The following NFASC variants were observed in gnomAD, a reference collection of about 807,000 sequenced individuals.
NFASC encodes the protein neurofascin.
A neutral mutation model predicts 147.5 loss-of-function variants in NFASC; 43 were observed. The ratio of observed to expected loss-of-function variants is 0.29; its 90% confidence interval spans 0.23 to 0.38. NFASC has a LOEUF of 0.38. NFASC is among the 10% of genes least tolerant of loss of function. The pLI is 1.00. For synonymous variants in NFASC, 622 were observed against 665.5 expected (o/e 0.93, Z 1.01); for missense variants, 1,320 against 1,689.0 (o/e 0.78, Z 3.83).
chr1:205,014,218 C>A (rs1447526354), intron 29 of NFASC, among the ~76,000 whole-genome samples: 4 of 152,172 alleles, frequency 2.6e-5, no homozygotes, highest in African/African-American at 9.7e-5. Flanking sequence ...CAGGCAAAAA[C>A]CCCTGCCTCC....
chr1:204,948,573 A>G (rs975461186), intron 3 of NFASC: 2 of 517,632 alleles, frequency 3.9e-6, no homozygotes, highest in African/African-American at 3.9e-5. Flanking sequence ...CCAAGGATGG[A>G]TTTGTTAAAA....
chr1:204,851,658 A>G (rs762413069), intron 1 of NFASC, among the ~76,000 whole-genome samples: 7 of 152,162 alleles, frequency 4.6e-5, no homozygotes, highest in Non-Finnish European at 7.3e-5. Context: ...TATCTAGTTA[A>G]TCTGGAATAA....
rs1246749014 is a variant in NFASC, at chr1:205,002,474, A to C, written c.3137-122A>C. On this transcript the variant is annotated intron_variant, in intron 26 of 29. Transcript: ENST00000339876. ...CCTCCTGGTCTGTATGGTGGACTGG[A>C]CCCGCGGTTCCCTGGTCCCTTCCCC... 10 of 715,964 alleles carry C rather than the reference A, an allele frequency of 1.4e-5. No individual in the cohort carries two copies. In the East Asian group the frequency reaches 2.9e-4, roughly 21 times the overall value. 44.4% of individuals were successfully genotyped at this position (715,964 alleles called of 1,614,324 possible).
chr1:204,898,907 A>AG (rs2083941130), intron 1 of NFASC, among the ~76,000 whole-genome samples: 1 of 152,248 alleles, frequency 6.6e-6, no homozygotes, highest in Non-Finnish European at 1.5e-5. Flanking sequence ...AGGAGCCCTC[A>AG]GGTTCTAAAG....
At chr1:204,922,419 A>G (rs4951146) in intron 2 of NFASC, among the ~76,000 whole-genome samples, 141,475 of 152,210 alleles carry the variant, frequency 0.93, 65,988 homozygotes, top group Non-Finnish European at 0.97. Flanking sequence ...TCTGGACACC[A>G]CCAGTCTAAC....
intron 1 of NFASC, among the ~76,000 whole-genome samples, chr1:204,869,750 G>A (rs1271108543): frequency 6.6e-6 from 1 of 152,130 alleles, no homozygotes; most frequent in Non-Finnish European, 1.5e-5. Context: ...AACCCAGGTC[G>A]CCTGCTCCAG....
intron 2 of NFASC, among the ~76,000 whole-genome samples, chr1:204,936,780 A>G (rs2595956): frequency 0.14 from 22,044 of 152,184 alleles, 2,005 homozygotes; most frequent in African/African-American, 0.26. Flanking sequence ...TCTGGCTTCA[A>G]ACCCTGCAGC....
chr1:204,941,263 T>G (rs143552113), intron 2 of NFASC, among the ~76,000 whole-genome samples: 1 of 152,316 alleles, frequency 6.6e-6, no homozygotes, highest in East Asian at 1.9e-4. Flanking sequence ...TCTTGTAAGG[T>G]TTTGTTGGAA....
intron 8 of NFASC, among the ~76,000 whole-genome samples, chr1:204,959,642 C>T (rs1300316663): frequency 2.0e-5 from 3 of 152,226 alleles, no homozygotes; most frequent in Non-Finnish European, 4.4e-5. Flanking sequence ...CTTGCCCAGA[C>T]GACGCTAGAA....
chr1:204,881,439 G>C (rs1258434850), intron 1 of NFASC, among the ~76,000 whole-genome samples: 1 of 152,208 alleles, frequency 6.6e-6, no homozygotes, highest in African/African-American at 2.4e-5. Flanking sequence ...ACCAAATAGA[G>C]CCTGCTAGGC....
chr1:204,851,615 G>A (rs1347729967), intron 1 of NFASC, among the ~76,000 whole-genome samples: 1 of 152,058 alleles, frequency 6.6e-6, no homozygotes, highest in African/African-American at 2.4e-5. Context: ...TTAGAGTCAT[G>A]AGCCACCACA....
intron 26 of NFASC, among the ~76,000 whole-genome samples, chr1:205,001,873 C>T (rs2095995312): frequency 6.6e-6 from 1 of 152,166 alleles, no homozygotes; most frequent in Non-Finnish European, 1.5e-5. Context: ...GGGTCAAACC[C>T]ACCATCCTGG....
At chr1:204,840,469 C>T (rs369922128) in intron 1 of NFASC, among the ~76,000 whole-genome samples, 2 of 152,226 alleles carry the variant, frequency 1.3e-5, no homozygotes, top group East Asian at 3.8e-4. Context: ...TTCTTTACAA[C>T]AAGAGACTAT....
rs929482073 is a variant in NFASC at position 205,022,634 on chromosome 1, G to A, written c.*6095G>A. On this transcript the variant is annotated 3_prime_UTR_variant, in exon 30 of 30. Coordinates refer to ENST00000339876, the MANE Select transcript of NFASC (RefSeq NM_001005388.3). ...CAGTGACAGATGCGTATCTGAGGGTGTCACACACGACCTTCAGCAGGGAAG... is the reference window on the plus strand; with the variant it reads ...CAGTGACAGATGCGTATCTGAGGGTATCACACACGACCTTCAGCAGGGAAG... 3.9e-5 allele frequency: 6 copies of A among 152,612 alleles called. No individual in the cohort carries two copies. The highest frequency in any genetic ancestry group is 8.8e-5 in the Non-Finnish European group (6 of 68,048). The allele number at this position is 152,612 out of a possible 1,614,324, so 9.5% of individuals were successfully genotyped here.
chr1:205,000,291 C>T (rs12145998), intron 25 of NFASC: 32,943 of 152,046 alleles, frequency 0.22, 3,750 homozygotes, highest in South Asian at 0.28. Context: ...ACTTGGGCCC[C>T]TGAGATTCTA....
Position 205,018,920 on chromosome 1 carries a change from C to G in NFASC, c.*2381C>G, listed in dbSNP as rs985921896. The G allele has an allele frequency of 1.3e-5, 2 of 152,240 alleles. No individual in the cohort carries two copies. Among genetic ancestry groups the G allele is most frequent in the African/African-American group, 4.8e-5 (2 of 41,428 alleles). The allele number at this position is 152,240 out of a possible 1,614,324, so 9.4% of individuals were successfully genotyped here. A position where few individuals can be genotyped will look rare whatever the true frequency, so the allele number is the denominator to read the frequency against. On this transcript the variant is annotated 3_prime_UTR_variant, in exon 30 of 30. Transcript: ENST00000339876. ...GTAAGGGTCTTGGGGAGAAGTAAGC[C>G]CGCAGCCTGCCTCTGCACCTCGTTC...
At chr1:205,013,233 C>T (rs566136488) in intron 29 of NFASC, among the ~76,000 whole-genome samples, 1 of 152,320 alleles carries the variant, frequency 6.6e-6, no homozygotes, top group African/African-American at 2.4e-5. Flanking sequence ...ACCCTCTTGC[C>T]GTGAGATGAG....
chr1:204,853,606 TG>T (rs2075885497), intron 1 of NFASC, among the ~76,000 whole-genome samples: 1 of 152,192 alleles, frequency 6.6e-6, no homozygotes, highest in Admixed American at 6.5e-5. Flanking sequence ...AGACCTTTGT[TG>T]GGTATATGTG....
chr1:204,974,132 G>A (rs1328568231), intron 12 of NFASC, 47 bp from the exon 13 acceptor site: 1 of 1,481,092 alleles, frequency 6.8e-7, no homozygotes, highest in African/African-American at 1.4e-5. Flanking sequence ...GGAAGAGATG[G>A]AAGAGTTTAG....
Sources: allele counts gnomAD v4.1 joint callset (sites outside exome capture counted in the v4.1 genomes callset), GRCh38; gene constraint gnomAD v4.1.1; transcripts MANE v1.5; gene names NCBI Gene and HGNC (gene_info 2026-07-23, HGNC 2026-07-21).